DCDC1: variants seen among roughly 807,000 people sequenced by gnomAD.
The protein encoded by DCDC1 is doublecortin domain containing 1.
A neutral mutation model predicts 178.3 loss-of-function variants in DCDC1; 200 were observed. The observed-to-expected ratio is 1.12, with a 90% CI of 1.00 to 1.26. The LOEUF (loss-of-function observed/expected upper bound fraction) is 1.26, where lower values mean the gene tolerates loss of function less well. DCDC1 is among the 50% of genes most tolerant of loss of function. DCDC1 has a pLI of 0.00. For missense variants in DCDC1, 1,983 were observed against 1,749.2 expected, an observed-to-expected ratio of 1.13 and a Z score of -2.38; for synonymous variants, 690 against 604.8, an observed-to-expected ratio of 1.14 and a Z score of -2.07.
intron 7 of DCDC1, among the ~76,000 whole-genome samples, chr11:31,269,843 T>C (rs1208338474): frequency 6.6e-6 from 1 of 152,224 alleles, no homozygotes; most frequent in East Asian, 1.9e-4. Flanking sequence ...GGGAGTCATC[T>C]CCACATCCAG....
At chr11:30,877,593 C>A (rs1033343578) in intron 38 of DCDC1, among the ~76,000 whole-genome samples, 4 of 152,122 alleles carry the variant, frequency 2.6e-5, no homozygotes, top group Non-Finnish European at 5.9e-5. Context: ...ATTGAGGACA[C>A]AGTCTATGAC....
chr11:30,871,684 G>A (rs1038588123), intron 38 of DCDC1, among the ~76,000 whole-genome samples: 1 of 151,962 alleles, frequency 6.6e-6, no homozygotes, highest in African/African-American at 2.4e-5. Flanking sequence ...CAGCACTGAA[G>A]GTAGTTTAAT....
intron 20 of DCDC1, among the ~76,000 whole-genome samples, chr11:30,999,885 A>G (rs879769639): frequency 4.6e-5 from 7 of 152,190 alleles, no homozygotes; most frequent in Non-Finnish European, 1.0e-4. Flanking sequence ...AGCATTGGTA[A>G]GGGAGATCAA....
intron 7 of DCDC1, among the ~76,000 whole-genome samples, chr11:31,276,881 G>A (rs1406661009): frequency 6.6e-6 from 1 of 152,078 alleles, no homozygotes; most frequent in African/African-American, 2.4e-5. Flanking sequence ...GAATGTGAAT[G>A]AGAAGTAGAT....
At chr11:31,336,914 C>A (rs1320779858) in intron 1 of DCDC1, among the ~76,000 whole-genome samples, 1 of 152,142 alleles carries the variant, frequency 6.6e-6, no homozygotes, top group African/African-American at 2.4e-5. Flanking sequence ...TCATCTTTAA[C>A]TTTGATGAGA....
chr11:31,205,671 A>G (rs1257420363), intron 9 of DCDC1, among the ~76,000 whole-genome samples: 1 of 152,222 alleles, frequency 6.6e-6, no homozygotes, highest in Admixed American at 6.5e-5. Flanking sequence ...AAAGTTATGC[A>G]TAGGTATTTC....
chr11:30,917,869 A>G (rs1403772010), intron 25 of DCDC1, among the ~76,000 whole-genome samples: 1 of 152,244 alleles, frequency 6.6e-6, no homozygotes, highest in Non-Finnish European at 1.5e-5. Flanking sequence ...AACTACAAGC[A>G]TTATTAAATT....
intron 20 of DCDC1, among the ~76,000 whole-genome samples, chr11:31,051,170 A>G (rs977182941): frequency 6.6e-6 from 1 of 152,190 alleles, no homozygotes; most frequent in Non-Finnish European, 1.5e-5. Flanking sequence ...AGTTTTAGAA[A>G]TGTGAAATGC....
At chr11:31,015,582 A>T (rs1156478) in intron 20 of DCDC1, among the ~76,000 whole-genome samples, 3,697 of 152,278 alleles carry the variant, frequency 0.024, 158 homozygotes, top group African/African-American at 0.081. Flanking sequence ...ATCTTCTGAA[A>T]TTTAAAAGCC....
intron 6 of DCDC1, 81 bp from the exon 7 acceptor site, chr11:31,290,933 A>G: frequency 7.9e-7 from 1 of 1,264,250 alleles, no homozygotes. Context: ...TCCCTCTATT[A>G]CCTGTGTATT....
intron 20 of DCDC1, among the ~76,000 whole-genome samples, chr11:30,972,378 C>T (rs1949851802): frequency 6.6e-6 from 1 of 152,098 alleles, no homozygotes; most frequent in Non-Finnish European, 1.5e-5. Context: ...AGTTACCCTT[C>T]ATTAATGAAG....
At position 30,916,906 on chromosome 11, in the gene DCDC1, C is replaced by T. The variant is rs372144682; in HGVS notation, c.3416G>A (p.Gly1139Glu). 1 of 1,607,872 alleles carries T rather than the reference C, an allele frequency of 6.2e-7. No individual in the cohort carries two copies. The change falls in exon 26 of 39, where the codon GGG becomes GAG. Residue 1139 changes from glycine (G) to glutamate (E), a missense_variant. Transcript: ENST00000684477. ...CTGTGGTTCCACATTTTCAAAGAGC[C>T]CTTTTTCCGTTTTCTTTGGAAGACT... is the stretch of plus-strand genomic sequence containing the variant. The part of the protein sequence containing the change: ...DDSLPKKTEK[G>E]LFENVEPQKK...
chr11:31,301,152 T>A (rs2137535626), intron 6 of DCDC1, among the ~76,000 whole-genome samples: 1 of 152,362 alleles, frequency 6.6e-6, no homozygotes, highest in East Asian at 1.9e-4. Flanking sequence ...AGAAGAATCA[T>A]ATGCTGTCTG....
At chr11:30,929,392 A>C (rs184492868) in intron 22 of DCDC1, among the ~76,000 whole-genome samples, 1 of 152,264 alleles carries the variant, frequency 6.6e-6, no homozygotes, top group Non-Finnish European at 1.5e-5. Flanking sequence ...AGTAGACACA[A>C]CTAACTCGAG....
intron 2 of DCDC1, among the ~76,000 whole-genome samples, chr11:31,332,834 G>A (rs982812311): frequency 6.6e-6 from 1 of 152,160 alleles, no homozygotes; most frequent in Non-Finnish European, 1.5e-5. Context: ...CTCCAGTGTG[G>A]TGCTGAGAAG....
chr11:31,245,536 T>C (rs1180351429), intron 8 of DCDC1, among the ~76,000 whole-genome samples: 3 of 151,792 alleles, frequency 2.0e-5, no homozygotes. Flanking sequence ...ATTGTTTTTA[T>C]TTTAATTTTC....
chr11:31,050,226 C>T (rs1955151319), intron 20 of DCDC1, among the ~76,000 whole-genome samples: 1 of 152,080 alleles, frequency 6.6e-6, no homozygotes, highest in Non-Finnish European at 1.5e-5. Context: ...CCTATGACTG[C>T]CCGCTTTCCT....
At chr11:31,220,095 C>T (rs890273507) in intron 9 of DCDC1, among the ~76,000 whole-genome samples, 2 of 152,144 alleles carry the variant, frequency 1.3e-5, no homozygotes, top group African/African-American at 4.8e-5. Flanking sequence ...AACAATAACC[C>T]TATATTCTAG....
chr11:30,981,237 A>G (rs1303689098), intron 20 of DCDC1, among the ~76,000 whole-genome samples: 2 of 152,164 alleles, frequency 1.3e-5, no homozygotes, highest in Admixed American at 6.5e-5. Flanking sequence ...CCTGTTGGGT[A>G]CAATGTTCAC....
Sources: gnomAD v4.1 joint callset for allele counts (sites outside exome capture counted in the v4.1 genomes callset) on GRCh38, gnomAD v4.1.1 for gene constraint, MANE v1.5 for transcripts, NCBI Gene and HGNC (gene_info 2026-07-23, HGNC 2026-07-21) for gene names.